The following ACTR3B variants were observed in gnomAD, a reference collection of about 807,000 sequenced individuals.
The protein encoded by ACTR3B is actin related protein 3B, also known as actin-related protein 3B.
A neutral mutation model predicts 59.0 loss-of-function variants in ACTR3B; 8 were observed. The observed-to-expected ratio is 0.14, with a 90% confidence interval of 0.08 to 0.24. The LOEUF (loss-of-function observed/expected upper bound fraction) is 0.24, where lower values mean the gene tolerates loss of function less well. Ranked by LOEUF, ACTR3B falls within the 10% of genes least tolerant of loss-of-function variation. ACTR3B has a pLI of 1.00. For missense variants in ACTR3B, 245 were observed against 552.3 expected (o/e 0.44, Z 5.58); for synonymous variants, 148 against 197.9 (o/e 0.75, Z 2.12).
At chr7:152,825,633 G>A (rs1242943896) in intron 9 of ACTR3B, among the ~76,000 whole-genome samples, 1 of 152,116 alleles carries the variant, frequency 6.6e-6, no homozygotes, top group African/African-American at 2.4e-5. Context: ...AAGTATTTCA[G>A]TATTGTAAAT....
chr7:152,795,873 T>A (rs2116703707), intron 2 of ACTR3B, among the ~76,000 whole-genome samples: 1 of 151,508 alleles, frequency 6.6e-6, no homozygotes, highest in East Asian at 1.9e-4. Flanking sequence ...AGGCGGTGTC[T>A]TGCTCTGTCA....
intron 4 of ACTR3B, among the ~76,000 whole-genome samples, chr7:152,805,894 A>G (rs2098250802): frequency 6.6e-6 from 1 of 152,220 alleles, no homozygotes; most frequent in East Asian, 1.9e-4. Flanking sequence ...GTGGAGTAAT[A>G]TTAGATACAT....
intron 9 of ACTR3B, among the ~76,000 whole-genome samples, chr7:152,846,108 C>T (rs1193286444): frequency 6.6e-6 from 1 of 152,190 alleles, no homozygotes; most frequent in African/African-American, 2.4e-5. Flanking sequence ...CCCAGTGAGC[C>T]CCAGCGCCTG....
At chr7:152,778,114 T>C (rs1194468034) in intron 1 of ACTR3B, among the ~76,000 whole-genome samples, 1 of 152,026 alleles carries the variant, frequency 6.6e-6, no homozygotes. Context: ...ATAAGGATTC[T>C]TCTAGTGTTT....
intron 2 of ACTR3B, among the ~76,000 whole-genome samples, chr7:152,787,631 A>G (rs1242901676): frequency 6.6e-6 from 1 of 152,134 alleles, no homozygotes; most frequent in East Asian, 1.9e-4. Context: ...TTGTCCCAAC[A>G]CTATTTATTA....
intron 2 of ACTR3B, among the ~76,000 whole-genome samples, chr7:152,796,092 G>A (rs1297884304): frequency 1.3e-5 from 2 of 152,066 alleles, no homozygotes; most frequent in Admixed American, 1.3e-4. Context: ...TGATCTACCC[G>A]CCTCGACCTC....
At position 152,759,912 on chromosome 7, in the gene ACTR3B, G is replaced by C; in HGVS notation, c.30G>C (p.Val10=). ...CAGGCTCCCTGCCTCCCTGCGTGGTGGACTGTGGCACCGGGTAAGAGCAGC... is the reference window on the plus strand; with the variant it reads ...CAGGCTCCCTGCCTCCCTGCGTGGTCGACTGTGGCACCGGGTAAGAGCAGC... The part of the protein sequence containing the change: MAGSLPPCV[V]DCGTGYTKLG... Residue 10 remains valine, a synonymous_variant, in exon 1 of 12, where the codon GTG becomes GTC. Coordinates refer to ENST00000256001, the MANE Select transcript of ACTR3B (RefSeq NM_020445.6). The C allele has an allele frequency of 7.2e-7, 1 of 1,395,910 alleles. No homozygotes were observed. Among genetic ancestry groups the C allele is most frequent in the East Asian group, 3.1e-5 (1 of 32,598 alleles). The allele number at this position is 1,395,910 out of a possible 1,614,324, so 86.5% of individuals were successfully genotyped here.
intron 9 of ACTR3B, among the ~76,000 whole-genome samples, chr7:152,829,944 A>T (rs1479279849): frequency 6.6e-6 from 1 of 152,160 alleles, no homozygotes; most frequent in Admixed American, 6.5e-5. Flanking sequence ...AAATTAGGGG[A>T]TTTAAGTATG....
chr7:152,852,179 G>T lies in ACTR3B; in HGVS notation c.1005G>T (p.Leu335=). ...STMFRDFGRR[L]QRDLKRVVDA... is the part of the protein sequence containing the mutation. ...TGTTCAGGGATTTCGGACGCCGACT[G>T]CAGAGGGATTTGAAGAGAGTGGTGG... is the stretch of plus-strand genomic sequence containing the variant. Residue 335 remains leucine, a synonymous_variant, in exon 10 of 12, where the codon CTG becomes CTT. Transcript: ENST00000256001. 6.2e-7 allele frequency: 1 copy of T among 1,614,086 alleles called. No homozygotes were observed. Among genetic ancestry groups the T allele is most frequent in the Non-Finnish European group, 8.5e-7 (1 of 1,180,006 alleles).
chr7:152,789,605 G>C (rs2689463), intron 2 of ACTR3B, among the ~76,000 whole-genome samples: 112 of 137,598 alleles, frequency 8.1e-4, no homozygotes, highest in Middle Eastern at 4.0e-3. Context: ...ACAGTCTGCA[G>C]ATTCTTTAAA....
At chr7:152,800,692 G>A in intron 3 of ACTR3B, 37 bp downstream of exon 3, 1 of 1,601,354 alleles carries the variant, frequency 6.2e-7, no homozygotes, top group Non-Finnish European at 8.5e-7. Context: ...TCTAAGTGTA[G>A]AGTAGTAGGA....
intron 2 of ACTR3B, among the ~76,000 whole-genome samples, chr7:152,783,828 G>A (rs1259781333): frequency 6.6e-6 from 1 of 151,854 alleles, no homozygotes; most frequent in African/African-American, 2.4e-5. Flanking sequence ...GGTGGCTCAC[G>A]CATGTAATCG....
intron 4 of ACTR3B, among the ~76,000 whole-genome samples, chr7:152,808,381 C>T (rs1475223296): frequency 1.3e-5 from 2 of 151,034 alleles, no homozygotes; most frequent in African/African-American, 2.4e-5. Flanking sequence ...TTTGGACATC[C>T]ATAACTTTAA....
chr7:152,820,507 T>G (rs1796060129), intron 7 of ACTR3B, 65 bp downstream of exon 7: 1 of 1,542,644 alleles, frequency 6.5e-7, no homozygotes, highest in African/African-American at 1.4e-5. Flanking sequence ...ACACTTCCCC[T>G]TGGTGCCATC....
intron 9 of ACTR3B, among the ~76,000 whole-genome samples, chr7:152,830,374 G>A (rs1796930120): frequency 6.6e-6 from 1 of 152,246 alleles, no homozygotes; most frequent in Non-Finnish European, 1.5e-5. Flanking sequence ...AGTGGGTTGG[G>A]AGTTGTTAAA....
At chr7:152,815,402 C>T (rs911576433) in intron 5 of ACTR3B, among the ~76,000 whole-genome samples, 4 of 152,308 alleles carry the variant, frequency 2.6e-5, no homozygotes, top group South Asian at 2.1e-4. Context: ...GATCTTCCCC[C>T]GGCTAAGTTA....
At chr7:152,828,585 C>G (rs1013963341) in intron 9 of ACTR3B, among the ~76,000 whole-genome samples, 1 of 152,154 alleles carries the variant, frequency 6.6e-6, no homozygotes, top group Admixed American at 6.5e-5. Flanking sequence ...AAACACTGTT[C>G]TGGTTAGAAG....
intron 4 of ACTR3B, chr7:152,810,845 A>G (rs1434863568): frequency 6.6e-6 from 1 of 151,642 alleles, no homozygotes; most frequent in Admixed American, 6.6e-5. Flanking sequence ...GGAGTCTCCC[A>G]GAGATCCGAG....
intron 7 of ACTR3B, 57 bp from the exon 8 acceptor site, chr7:152,823,285 G>A: frequency 1.3e-6 from 2 of 1,593,016 alleles, no homozygotes; most frequent in Non-Finnish European, 1.7e-6. Flanking sequence ...ATTTGTCTGA[G>A]GGCAGAGACA....
Sources: allele counts gnomAD v4.1 joint callset (sites outside exome capture counted in the v4.1 genomes callset), GRCh38; gene constraint gnomAD v4.1.1; transcripts MANE v1.5; gene names NCBI Gene and HGNC (gene_info 2026-07-23, HGNC 2026-07-21).